Variants in UBE2E2 observed in about 807,000 individuals in gnomAD.
The protein encoded by UBE2E2 is ubiquitin-conjugating enzyme E2 E2.
A neutral mutation model predicts 24.7 loss-of-function variants in UBE2E2; 6 were observed. The ratio of observed to expected loss-of-function variants is 0.24; its 90% CI spans 0.13 to 0.48. The LOEUF (loss-of-function observed/expected upper bound fraction) is 0.48, where lower values mean the gene tolerates loss of function less well. Ranked by LOEUF, UBE2E2 falls within the 20% of genes least tolerant of loss-of-function variation. The pLI is 0.99. For synonymous variants in UBE2E2, 104 were observed against 83.6 expected (o/e 1.24, Z -1.33); for missense variants, 169 against 245.0 (o/e 0.69, Z 2.07).
intron 3 of UBE2E2, among the ~76,000 whole-genome samples, chr3:23,289,948 A>G (rs1321006368): frequency 6.6e-6 from 1 of 152,200 alleles, no homozygotes; most frequent in Non-Finnish European, 1.5e-5. Flanking sequence ...GAATTGATAG[A>G]CTATTTCTCT....
At chr3:23,557,206 A>G (rs1695811506) in intron 5 of UBE2E2, among the ~76,000 whole-genome samples, 1 of 152,212 alleles carries the variant, frequency 6.6e-6, no homozygotes, top group Non-Finnish European at 1.5e-5. Flanking sequence ...CAAAGCAAAA[A>G]TTGTGAGGAG....
chr3:23,311,819 A>G lies in UBE2E2; in HGVS notation c.227+94507A>G, dbSNP rs181814777. On this transcript the variant is annotated intron_variant, in intron 3 of 5. Transcript: ENST00000396703. ...ATATTTTGACACAGGCTTACACATC[A>G]AGGTAAATGTGGTATCCATCCCCTC... 8.5e-5 allele frequency among the ~76,000 whole-genome samples: 13 copies of G among 152,288 alleles called. No individual in the cohort carries two copies. In the East Asian group the frequency reaches 2.5e-3, roughly 29 times the overall value.
At chr3:23,527,180 G>T (rs547075948) in intron 4 of UBE2E2, among the ~76,000 whole-genome samples, 1 of 152,262 alleles carries the variant, frequency 6.6e-6, no homozygotes, top group South Asian at 2.1e-4. Context: ...TGCTAGCAAG[G>T]ATGCAGAGAA....
chr3:23,206,259 C>A (rs1005073345), intron 1 of UBE2E2, among the ~76,000 whole-genome samples: 2 of 151,344 alleles, frequency 1.3e-5, no homozygotes, highest in African/African-American at 4.9e-5. Flanking sequence ...TACATACTTA[C>A]AAGATTTTAA....
chr3:23,398,667 A>G (rs547943732), intron 3 of UBE2E2, among the ~76,000 whole-genome samples: 6 of 152,160 alleles, frequency 3.9e-5, no homozygotes, highest in Non-Finnish European at 8.8e-5. Context: ...GGTAGTTTTT[A>G]CTTTGTTACC....
At chr3:23,212,284 G>A (rs189297033) in intron 2 of UBE2E2, among the ~76,000 whole-genome samples, 2 of 152,206 alleles carry the variant, frequency 1.3e-5, no homozygotes, top group African/African-American at 2.4e-5. Flanking sequence ...CTTTTCTTTG[G>A]CAAGAGTTTC....
At chr3:23,538,705 C>T (rs754424058) in intron 5 of UBE2E2, among the ~76,000 whole-genome samples, 7 of 151,956 alleles carry the variant, frequency 4.6e-5, no homozygotes, top group Non-Finnish European at 8.8e-5. Flanking sequence ...AGGGAATATA[C>T]GTTCCCTGTT....
intron 3 of UBE2E2, among the ~76,000 whole-genome samples, chr3:23,260,777 G>A (rs1404614168): frequency 2.6e-5 from 4 of 152,186 alleles, no homozygotes; most frequent in Non-Finnish European, 5.9e-5. Context: ...GGGCAACAGA[G>A]TGAAACCCTG....
rs945721807 is a variant in UBE2E2 at position 23,384,834 on chromosome 3, C to A, written c.228-114774C>A. Among the ~76,000 whole-genome samples the A allele has an allele frequency of 3.3e-5, 5 of 152,360 alleles. No homozygotes were observed. In the South Asian group the frequency reaches 1.0e-3, roughly 32 times the overall value. ...GGGATTACAGGCGTGAGCCACCACA[C>A]CTGGCCCCTGGATGTAATTTTTAAA... On this transcript the variant is annotated intron_variant, in intron 3 of 5. Transcript: ENST00000396703.
intron 3 of UBE2E2, among the ~76,000 whole-genome samples, chr3:23,229,878 AC>A (rs2125331033): frequency 6.6e-6 from 1 of 152,334 alleles, no homozygotes; most frequent in East Asian, 1.9e-4. Context: ...ACTTGAGGCT[AC>A]TATATTGGAC....
chr3:23,417,636 C>T (rs1697673453), intron 3 of UBE2E2, among the ~76,000 whole-genome samples: 1 of 152,206 alleles, frequency 6.6e-6, no homozygotes, highest in African/African-American at 2.4e-5. Context: ...ACATTTAAGT[C>T]TGCTGAAGCT....
At chr3:23,359,103 T>C (rs1696044510) in intron 3 of UBE2E2, among the ~76,000 whole-genome samples, 1 of 152,188 alleles carries the variant, frequency 6.6e-6, no homozygotes, top group Non-Finnish European at 1.5e-5. Context: ...TTCAACATCA[T>C]GAACATTACC....
chr3:23,441,198 T>A (rs1257212163), intron 3 of UBE2E2, among the ~76,000 whole-genome samples: 1 of 151,880 alleles, frequency 6.6e-6, no homozygotes, highest in African/African-American at 2.4e-5. Flanking sequence ...GCAACAATTG[T>A]ACCTGTGAAG....
chr3:23,534,081 G>A (rs868660834), intron 5 of UBE2E2: 1 of 538,650 alleles, frequency 1.9e-6, no homozygotes, highest in Non-Finnish European at 2.4e-6. Context: ...GTCTGTGACT[G>A]TGTATAACCT....
At chr3:23,425,271 C>A (rs1697898764) in intron 3 of UBE2E2, among the ~76,000 whole-genome samples, 1 of 151,988 alleles carries the variant, frequency 6.6e-6, no homozygotes, top group Non-Finnish European at 1.5e-5. Flanking sequence ...GGGGTCTAAC[C>A]CAGTTCTGAT....
intron 3 of UBE2E2, among the ~76,000 whole-genome samples, chr3:23,470,845 T>A (rs1437697996): frequency 6.6e-6 from 1 of 152,156 alleles, no homozygotes; most frequent in Non-Finnish European, 1.5e-5. Flanking sequence ...TGAACTCCAC[T>A]TCTTGGAGCT....
chr3:23,471,980 T>C (rs1699040728), intron 3 of UBE2E2, among the ~76,000 whole-genome samples: 2 of 151,238 alleles, frequency 1.3e-5, no homozygotes, highest in African/African-American at 4.9e-5. Flanking sequence ...TTAAAGCCTT[T>C]ATAAGATAAA....
intron 3 of UBE2E2, among the ~76,000 whole-genome samples, chr3:23,324,076 T>A (rs1473865504): frequency 6.6e-6 from 1 of 152,158 alleles, no homozygotes; most frequent in Non-Finnish European, 1.5e-5. Flanking sequence ...GGAATAACTG[T>A]GCAATGCTAA....
intron 3 of UBE2E2, among the ~76,000 whole-genome samples, chr3:23,390,669 T>C (rs1696913341): frequency 6.6e-6 from 1 of 152,188 alleles, no homozygotes; most frequent in Non-Finnish European, 1.5e-5. Flanking sequence ...AACATACCCT[T>C]AGACAGTGCT....
Sources: gnomAD v4.1 joint callset for allele counts (sites outside exome capture counted in the v4.1 genomes callset) on GRCh38, gnomAD v4.1.1 for gene constraint, MANE v1.5 for transcripts, NCBI Gene and HGNC (gene_info 2026-07-23, HGNC 2026-07-21) for gene names.